Variants in CNTNAP2 observed in about 807,000 individuals in gnomAD.
CNTNAP2 encodes the protein contactin associated protein 2.
A neutral mutation model predicts 155.2 loss-of-function variants in CNTNAP2; 98 were observed. The ratio of observed to expected loss-of-function variants is 0.63; its 90% CI spans 0.54 to 0.75. The LOEUF (loss-of-function observed/expected upper bound fraction) is 0.75, where lower values mean the gene tolerates loss of function less well. Ranked by LOEUF, CNTNAP2 falls within the 30% of genes least tolerant of loss-of-function variation. CNTNAP2 has a pLI of 0.00. For missense variants in CNTNAP2, 1,727 were observed against 1,688.1 expected (o/e 1.02, Z -0.40); for synonymous variants, 651 against 631.2 (o/e 1.03, Z -0.47).
intron 13 of CNTNAP2, among the ~76,000 whole-genome samples, chr7:147,760,865 A>G (rs1223661222): frequency 6.6e-6 from 1 of 152,228 alleles, no homozygotes; most frequent in Non-Finnish European, 1.5e-5. Context: ...ATAAAGACCT[A>G]TAGAAGAAAT....
chr7:147,988,261 G>C (rs1040697543), intron 15 of CNTNAP2, among the ~76,000 whole-genome samples: 1 of 152,194 alleles, frequency 6.6e-6, no homozygotes, highest in Non-Finnish European at 1.5e-5. Flanking sequence ...TGCCCTTAGA[G>C]ACAATAGATG....
intron 13 of CNTNAP2, among the ~76,000 whole-genome samples, chr7:147,801,126 A>T (rs1461732525): frequency 6.6e-6 from 1 of 152,016 alleles, no homozygotes; most frequent in African/African-American, 2.4e-5. Context: ...TCTGTTTATT[A>T]TCACCTCAAA....
chr7:146,500,233 G>GATTATGTCATCT (rs1563108736), intron 1 of CNTNAP2, among the ~76,000 whole-genome samples: 11 of 152,160 alleles, frequency 7.2e-5, no homozygotes, highest in African/African-American at 2.7e-4. Flanking sequence ...TACCAACACA[G>GATTATGTCATCT]GGGTTCGGGC....
At chr7:148,259,179 T>TAAAAAAAAAAAAAA (rs34229180) in intron 20 of CNTNAP2, among the ~76,000 whole-genome samples, 2 of 24,016 alleles carry the variant, frequency 8.3e-5, no homozygotes, top group African/African-American at 3.6e-4. Context: ...AACTCCGTCT[T>TAAAAAAAAAAAAAA]AAAAAAAAAA....
chr7:146,504,278 G>C (rs1418124003), intron 1 of CNTNAP2, among the ~76,000 whole-genome samples: 1 of 152,136 alleles, frequency 6.6e-6, no homozygotes, highest in Non-Finnish European at 1.5e-5. Context: ...CTGCTATGCT[G>C]CCCATGATTA....
intron 12 of CNTNAP2, among the ~76,000 whole-genome samples, chr7:147,564,216 C>T (rs533492836): frequency 6.6e-6 from 1 of 152,010 alleles, no homozygotes; most frequent in Non-Finnish European, 1.5e-5. Flanking sequence ...CTAGCGTCCC[C>T]CTAAATTTCT....
intron 1 of CNTNAP2, among the ~76,000 whole-genome samples, chr7:146,751,147 ATT>A (rs1801896243): frequency 1.3e-5 from 2 of 152,216 alleles, no homozygotes; most frequent in African/African-American, 4.8e-5. Context: ...GTGCAGATAT[ATT>A]AATAAATTTA....
At chr7:147,904,006 A>T (rs954666600) in intron 14 of CNTNAP2, among the ~76,000 whole-genome samples, 1 of 152,210 alleles carries the variant, frequency 6.6e-6, no homozygotes, top group East Asian at 1.9e-4. Flanking sequence ...AGTGATTTGC[A>T]TTATAAAATG....
intron 8 of CNTNAP2, among the ~76,000 whole-genome samples, chr7:147,180,948 C>A (rs1050192517): frequency 2.0e-5 from 3 of 151,924 alleles, no homozygotes; most frequent in Non-Finnish European, 4.4e-5. Context: ...ATATAGTAGC[C>A]AATTGCATTT....
chr7:147,852,150 G>C (rs974004095), intron 13 of CNTNAP2, among the ~76,000 whole-genome samples: 4 of 152,096 alleles, frequency 2.6e-5, no homozygotes, highest in African/African-American at 4.8e-5. Context: ...TTATCACATG[G>C]CCGAACACTT....
intron 1 of CNTNAP2, among the ~76,000 whole-genome samples, chr7:146,670,641 C>T (rs1800286728): frequency 1.3e-5 from 2 of 152,152 alleles, no homozygotes; most frequent in Admixed American, 6.5e-5. Context: ...AGTATATTCT[C>T]ACGTCTCAAC....
chr7:147,408,218 A>G (rs2116482013), intron 10 of CNTNAP2, among the ~76,000 whole-genome samples: 1 of 152,264 alleles, frequency 6.6e-6, no homozygotes, highest in African/African-American at 2.4e-5. Flanking sequence ...AAACACACAA[A>G]CGCCAAAATC....
chr7:147,352,093 G>A (rs1795976526), intron 9 of CNTNAP2, among the ~76,000 whole-genome samples: 1 of 151,892 alleles, frequency 6.6e-6, no homozygotes, highest in African/African-American at 2.4e-5. Flanking sequence ...GTTGCTTTAG[G>A]TTAATGTGTA....
intron 1 of CNTNAP2, among the ~76,000 whole-genome samples, chr7:146,358,945 G>A (rs1022114601): frequency 3.9e-5 from 6 of 152,200 alleles, no homozygotes; most frequent in Non-Finnish European, 8.8e-5. Flanking sequence ...TTACTAGGAT[G>A]ATGCCAACAA....
At chr7:147,443,369 C>T (rs761353443) in intron 10 of CNTNAP2, among the ~76,000 whole-genome samples, 4 of 152,204 alleles carry the variant, frequency 2.6e-5, no homozygotes, top group Admixed American at 6.5e-5. Context: ...AAATGCTCTC[C>T]TCACCCATGC....
At chr7:147,043,802 C>T in intron 3 of CNTNAP2, 105 bp from the exon 4 acceptor site, 2 of 1,360,534 alleles carry the variant, frequency 1.5e-6, no homozygotes, top group Non-Finnish European at 2.1e-6. Context: ...TAAGAAATCA[C>T]AAGCCCTACC....
chr7:148,181,942 A>G (rs1427470808), intron 18 of CNTNAP2, among the ~76,000 whole-genome samples: 7 of 151,578 alleles, frequency 4.6e-5, no homozygotes, highest in African/African-American at 1.7e-4. Context: ...TATTTTTAGT[A>G]GAGACGGGGT....
intron 2 of CNTNAP2, among the ~76,000 whole-genome samples, chr7:146,796,678 G>A (rs1007726009): frequency 2.0e-5 from 3 of 152,008 alleles, no homozygotes; most frequent in African/African-American, 4.8e-5. Context: ...CTTAAAAACT[G>A]AATAACCTCA....
chr7:146,412,536 T>C (rs1047604789), intron 1 of CNTNAP2, among the ~76,000 whole-genome samples: 1 of 152,226 alleles, frequency 6.6e-6, no homozygotes, highest in Non-Finnish European at 1.5e-5. Flanking sequence ...GTGAATAATA[T>C]CTACTCAGGC....
Sources: gnomAD v4.1 joint callset for allele counts (sites outside exome capture counted in the v4.1 genomes callset) on GRCh38, gnomAD v4.1.1 for gene constraint, MANE v1.5 for transcripts, NCBI Gene and HGNC (gene_info 2026-07-23, HGNC 2026-07-21) for gene names.